EXOC5: variants seen among roughly 807,000 people sequenced by gnomAD.
EXOC5 encodes the protein SEC10-like 1.
EXOC5 carries 17 observed loss-of-function variants against 90.8 expected under a neutral mutation model. The ratio of observed to expected loss-of-function variants is 0.19; its 90% CI spans 0.13 to 0.28. EXOC5 has a LOEUF of 0.28. Among genes scored for constraint, EXOC5 ranks in the 10% least tolerant of loss-of-function variants. The pLI is 1.00. For missense variants in EXOC5, 569 were observed against 830.6 expected, an observed-to-expected ratio of 0.69 and a Z score of 3.87; for synonymous variants, 260 against 270.0, an observed-to-expected ratio of 0.96 and a Z score of 0.36.
In EXOC5 at chr14:57,204,119, C is replaced by T. The variant is rs1271697563; in HGVS notation, c.*4490G>A. 6.6e-6 allele frequency: 1 copy of T among 152,078 alleles called. No individual in the cohort carries two copies. Among genetic ancestry groups the T allele is most frequent in the Non-Finnish European group, 1.5e-5 (1 of 67,996 alleles). The allele number at this position is 152,078 out of a possible 1,614,324, so 9.4% of individuals were successfully genotyped here. ...GAGTGTGTTTAATTACTCATCTTTC[C>T]CCCCAAAAGTCGATAATCACAAAAC... On this transcript the variant is annotated 3_prime_UTR_variant, in exon 18 of 18. Coordinates refer to ENST00000621441, the MANE Select transcript of EXOC5 (RefSeq NM_006544.4).
At chr14:57,268,358 A>G (rs1320222516) in intron 1 of EXOC5, 26 of 930,262 alleles carry the variant, frequency 2.8e-5, no homozygotes, top group Non-Finnish European at 3.7e-5. Context: ...TGCCCCCACA[A>G]ACAAAAGCAA....
At chr14:57,250,790 T>A (rs923859077) in intron 1 of EXOC5, among the ~76,000 whole-genome samples, 2 of 152,166 alleles carry the variant, frequency 1.3e-5, no homozygotes, top group Admixed American at 6.5e-5. Context: ...CCCTGTCCAG[T>A]TGAGGTAGCT....
At chr14:57,261,126 C>T (rs1394693491) in intron 1 of EXOC5, among the ~76,000 whole-genome samples, 1 of 152,188 alleles carries the variant, frequency 6.6e-6, no homozygotes, top group Non-Finnish European at 1.5e-5. Flanking sequence ...TATACATAAA[C>T]TATTGACAAT....
At chr14:57,265,661 G>A (rs1443173203) in intron 1 of EXOC5, among the ~76,000 whole-genome samples, 1 of 152,196 alleles carries the variant, frequency 6.6e-6, no homozygotes, top group African/African-American at 2.4e-5. Context: ...GAGGGTAGAG[G>A]CTGCAGCGAG....
At position 57,233,868 on chromosome 14, in the gene EXOC5, T is replaced by C. The variant is rs952314131; in HGVS notation, c.730A>G (p.Asn244Asp). 6.2e-6 allele frequency: 10 copies of C among 1,610,994 alleles called. No individual in the cohort carries two copies. The highest frequency in any genetic ancestry group is 8.5e-6 in the Non-Finnish European group (10 of 1,177,630). ...KQCQEGAYLR[N>D]DIFEDAGILC... ...ATTCCAGCGTCTTCAAATATATCAT[T>C]TCTCAAATAAGCACCCTAAACAGCA... The change falls in exon 9 of 18, where the codon AAT (asparagine) becomes GAT (aspartate). Residue 244 changes from asparagine to aspartate, a missense_variant. By Grantham distance (23) the Asn-to-Asp change is conservative (BLOSUM62 1). Transcript: ENST00000621441.
chr14:57,203,190 T>A lies in EXOC5; in HGVS notation c.*5419A>T, dbSNP rs1882553802. ...GTCTTGAACTCCTAGCTTCAAGTGT[T>A]CTTCCCACCTCAGCCTCCCAAGTAG... On this transcript the variant is annotated 3_prime_UTR_variant, in exon 18 of 18. Coordinates refer to ENST00000621441, the MANE Select transcript of EXOC5 (RefSeq NM_006544.4). 1 of 152,230 alleles carries A rather than the reference T, an allele frequency of 6.6e-6. No homozygotes were observed. The highest frequency in any genetic ancestry group is 1.5e-5 in the Non-Finnish European group (1 of 68,056). The allele number at this position is 152,230 out of a possible 1,614,324, so 9.4% of individuals were successfully genotyped here.
At chr14:57,221,709 G>A (rs1419015709) in intron 13 of EXOC5, among the ~76,000 whole-genome samples, 4 of 152,094 alleles carry the variant, frequency 2.6e-5, no homozygotes, top group Admixed American at 1.3e-4. Context: ...CAATAATCAC[G>A]CATATTGGTA....
chr14:57,249,774 C>T (rs1345440739), intron 1 of EXOC5, among the ~76,000 whole-genome samples: 2 of 151,892 alleles, frequency 1.3e-5, no homozygotes, highest in Non-Finnish European at 2.9e-5. Context: ...TGATGATTTA[C>T]TTATTTATTT....
chr14:57,224,618 AC>A (rs1180881752), intron 12 of EXOC5, among the ~76,000 whole-genome samples: 1 of 152,122 alleles, frequency 6.6e-6, no homozygotes, highest in East Asian at 1.9e-4. Context: ...GGCCCAAATG[AC>A]TTCACTTGTG....
At position 57,210,376 on chromosome 14, in the gene EXOC5, T is replaced by C. The variant is rs1238699386; in HGVS notation, c.1614-315A>G. 3.9e-5 allele frequency among the ~76,000 whole-genome samples: 6 copies of C among 152,298 alleles called. No individual in the cohort carries two copies. In the East Asian group the frequency reaches 9.6e-4, roughly 24 times the overall value. ...CTAAGGATTTTCAAAGGCAAAACCA[T>C]ATACAAGTTGAGTATCCCTTTCTCA... On this transcript the variant is annotated intron_variant, in intron 15 of 17. Coordinates refer to ENST00000621441, the MANE Select transcript of EXOC5 (RefSeq NM_006544.4).
chr14:57,228,889 T>C (rs1252280115), intron 12 of EXOC5, among the ~76,000 whole-genome samples: 1 of 151,862 alleles, frequency 6.6e-6, no homozygotes, highest in African/African-American at 2.4e-5. Context: ...TGGAACATAT[T>C]ATGTACTATA....
At chr14:57,208,922 A>G (rs988630387) in intron 17 of EXOC5, 125 bp from the exon 18 acceptor site, 1 of 570,266 alleles carries the variant, frequency 1.8e-6, no homozygotes, top group African/African-American at 1.9e-5. Flanking sequence ...AACATATTAG[A>G]ATTTTTTAAA....
chr14:57,208,553 G>C lies in EXOC5; in HGVS notation c.*56C>G, dbSNP rs1291712997. On this transcript the variant is annotated 3_prime_UTR_variant, in exon 18 of 18. Transcript: ENST00000621441. ...TTTCTATCAACCGAGGGCTGCTGAAGTATAAGACATTCCTCTGTAAAGGAA... is the reference window on the plus strand; with the variant it reads ...TTTCTATCAACCGAGGGCTGCTGAACTATAAGACATTCCTCTGTAAAGGAA... 4 of 1,343,134 alleles carry C rather than the reference G, an allele frequency of 3.0e-6. No homozygotes were observed. In the Admixed American group the frequency reaches 5.1e-5, roughly 17 times the overall value. 83.2% of individuals were successfully genotyped at this position (1,343,134 alleles called of 1,614,324 possible).
Position 57,202,097 on chromosome 14 carries a change from T to C in EXOC5, c.*6512A>G, listed in dbSNP as rs1283277719. 2.0e-5 allele frequency: 3 copies of C among 152,102 alleles called. No individual in the cohort carries two copies. The highest frequency in any genetic ancestry group is 7.2e-5 in the African/African-American group (3 of 41,412). The allele number at this position is 152,102 out of a possible 1,614,324, so 9.4% of individuals were successfully genotyped here. A position where few individuals can be genotyped will look rare whatever the true frequency, so the allele number is the denominator to read the frequency against. ...GATGCAACAATAACACAGAGTTGCA[T>C]CCGTGGTATGTCTGCCAAAAAGCAC... On this transcript the variant is annotated 3_prime_UTR_variant, in exon 18 of 18. Transcript: ENST00000621441.
intron 4 of EXOC5, chr14:57,243,230 G>A (rs1277014976): frequency 6.6e-6 from 1 of 152,024 alleles, no homozygotes; most frequent in Non-Finnish European, 1.5e-5. Flanking sequence ...AAAACCACCT[G>A]TACTTGAAAA....
chr14:57,229,989 C>T, intron 11 of EXOC5, 108 bp from the exon 12 acceptor site: 1 of 513,302 alleles, frequency 1.9e-6, no homozygotes. Flanking sequence ...GACCAATAGC[C>T]AAGAGACCTA....
intron 1 of EXOC5, among the ~76,000 whole-genome samples, chr14:57,249,542 T>G (rs1884127479): frequency 6.6e-6 from 1 of 152,190 alleles, no homozygotes; most frequent in African/African-American, 2.4e-5. Flanking sequence ...AAATATAGTA[T>G]TCCTTCATTC....
rs1019656321 is a variant in EXOC5 at position 57,202,620 on chromosome 14, G to A, written c.*5989C>T. The A allele has an allele frequency of 4.6e-5, 7 of 152,162 alleles. No individual in the cohort carries two copies. Among genetic ancestry groups the A allele is most frequent in the Non-Finnish European group, 7.3e-5 (5 of 68,040 alleles). 9.4% of individuals were successfully genotyped at this position (152,162 alleles called of 1,614,324 possible). Reference sequence around the variant, plus strand: ...ATTAGAGTTGATAAAGGAATTCAATGTGATATATAACTAAGAAAACATAAT... The same window carrying A: ...ATTAGAGTTGATAAAGGAATTCAATATGATATATAACTAAGAAAACATAAT... On this transcript the variant is annotated 3_prime_UTR_variant, in exon 18 of 18. Transcript: ENST00000621441.
chr14:57,222,324 C>T lies in EXOC5; in HGVS notation c.1389G>A (p.Leu463=). 6.5e-7 allele frequency: 1 copy of T among 1,547,982 alleles called. No homozygotes were observed. The highest frequency in any genetic ancestry group is 1.2e-5 in the South Asian group (1 of 84,124). Residue 463 remains leucine, a synonymous_variant, in exon 13 of 18, where the codon TTG becomes TTA. Coordinates refer to ENST00000621441, the MANE Select transcript of EXOC5 (RefSeq NM_006544.4). ...TATACTTACCAGCAAGTCCTGTTTC[C>T]AAAGCATAATCAATATGCTCAATAC... ...FLCIEHIDYA[L]ETGLAGIPSS...
Sources: allele counts gnomAD v4.1 joint callset (sites outside exome capture counted in the v4.1 genomes callset), GRCh38; gene constraint gnomAD v4.1.1; transcripts MANE v1.5; gene names NCBI Gene and HGNC (gene_info 2026-07-23, HGNC 2026-07-21).